The following MTMR1 variants were observed in gnomAD, a reference collection of about 807,000 sequenced individuals.
MTMR1 encodes the protein phosphatidylinositol-3-phosphate phosphatase MTMR1.
In MTMR1, 17 loss-of-function variants were observed where a neutral mutation model predicts 51.6. That is an observed-to-expected ratio of 0.33 (90% confidence interval 0.23 to 0.49). The LOEUF is 0.49. MTMR1 is among the 20% of genes least tolerant of loss of function. The probability of loss-of-function intolerance (pLI) is 0.99; values close to 1 mark genes in which losing one functional copy is unlikely to be tolerated. For synonymous variants in MTMR1, 201 were observed against 205.6 expected, an observed-to-expected ratio of 0.98 and a Z score of 0.19; for missense variants, 386 against 526.9, an observed-to-expected ratio of 0.73 and a Z score of 2.62.
At chrX:150,702,556 A>C (rs1187723383) in intron 2 of MTMR1, among the ~76,000 whole-genome samples, 1 of 112,059 alleles carries the variant, frequency 8.9e-6, no homozygotes, top group Non-Finnish European at 1.9e-5. Flanking sequence ...CAGCTCATCT[A>C]AAGTACAGTA....
At chrX:150,697,998 G>T (rs1173545766) in intron 1 of MTMR1, among the ~76,000 whole-genome samples, 1 of 111,777 alleles carries the variant, frequency 8.9e-6, no homozygotes, top group East Asian at 2.8e-4. Context: ...CACCATGGTT[G>T]TGAGGCTCTG....
intron 15 of MTMR1, among the ~76,000 whole-genome samples, chrX:150,760,640 T>C (rs1481320090): frequency 9.0e-6 from 1 of 111,605 alleles, no homozygotes; most frequent in African/African-American, 3.3e-5. Flanking sequence ...AATATGTGAG[T>C]AGGCCAGGCG....
At chrX:150,704,983 A>G (rs2041044527) in intron 2 of MTMR1, among the ~76,000 whole-genome samples, 1 of 103,452 alleles carries the variant, frequency 9.7e-6, no homozygotes, top group African/African-American at 3.4e-5. Flanking sequence ...AATTGCAGGT[A>G]TGCTTGAAAC....
At chrX:150,710,835 ATAG>A (rs1435511922) in intron 2 of MTMR1, among the ~76,000 whole-genome samples, 9 of 112,367 alleles carry the variant, frequency 8.0e-5, no homozygotes, top group Non-Finnish European at 1.5e-4. Flanking sequence ...GAAGAGGGAG[ATAG>A]TAGTTTGAGA....
At chrX:150,721,657 CTT>C (rs1452941960) in intron 4 of MTMR1, among the ~76,000 whole-genome samples, 3 of 111,304 alleles carry the variant, frequency 2.7e-5, no homozygotes, top group Non-Finnish European at 3.8e-5. Flanking sequence ...CATGTCTTCT[CTT>C]TTTTGTTTTT....
intron 2 of MTMR1, among the ~76,000 whole-genome samples, chrX:150,701,865 G>A (rs1382983688): frequency 9.0e-6 from 1 of 111,072 alleles, no homozygotes; most frequent in African/African-American, 3.3e-5. Flanking sequence ...CTTTAAAAAA[G>A]TCCATTGAGG....
intron 4 of MTMR1, among the ~76,000 whole-genome samples, chrX:150,719,397 C>T (rs180896954): frequency 1.8e-5 from 2 of 111,918 alleles, no homozygotes; most frequent in South Asian, 3.8e-4. Context: ...ATTTGAGTAG[C>T]GGGGCTCTCC....
chrX:150,744,707 C>T (rs1472153771), intron 13 of MTMR1, among the ~76,000 whole-genome samples: 1 of 112,140 alleles, frequency 8.9e-6, no homozygotes, highest in Non-Finnish European at 1.9e-5. Flanking sequence ...AGGCCCTACT[C>T]CTCTATAGAT....
chrX:150,748,984 C>G (rs782803551), intron 13 of MTMR1, among the ~76,000 whole-genome samples: 1 of 112,338 alleles, frequency 8.9e-6, no homozygotes, highest in Non-Finnish European at 1.9e-5. Context: ...GACATCACAT[C>G]ATTGATTTAG....
chrX:150,721,095 C>T (rs1186642854), intron 4 of MTMR1, among the ~76,000 whole-genome samples: 7 of 111,749 alleles, frequency 6.3e-5, no homozygotes, highest in African/African-American at 9.7e-5. Flanking sequence ...TCCTGGGTTA[C>T]GTCAATTAAT....
At position 150,742,796 on chromosome X, in the gene MTMR1, G is replaced by A. The variant is rs552158132; in HGVS notation, c.1474-1565G>A. Among the ~76,000 whole-genome samples, 41 of 82,342 alleles carry A rather than the reference G, an allele frequency of 5.0e-4. 1 individual carries two copies. The South Asian group carries it at 0.027, about 54-fold the overall frequency. The allele number at this position is 82,342 out of a possible 115,157, so 71.5% of individuals were successfully genotyped here. A position where few individuals can be genotyped will look rare whatever the true frequency, so the allele number is the denominator to read the frequency against. On this transcript the variant is annotated intron_variant, in intron 12 of 15. Transcript: ENST00000445323. ...TGCGTCACTGCACTCCAGCCTGGGCGACAGAGTGAGACTCCATCTCAAAAA... is the reference window on the plus strand; with the variant it reads ...TGCGTCACTGCACTCCAGCCTGGGCAACAGAGTGAGACTCCATCTCAAAAA...
At chrX:150,719,636 C>G (rs1318692681) in intron 4 of MTMR1, among the ~76,000 whole-genome samples, 1 of 111,944 alleles carries the variant, frequency 8.9e-6, no homozygotes, top group African/African-American at 3.3e-5. Context: ...TTATGTCATG[C>G]CCCTGCTTCT....
intron 4 of MTMR1, 96 bp downstream of exon 4, chrX:150,718,796 A>G: frequency 1.1e-5 from 9 of 830,688 alleles, no homozygotes; most frequent in Non-Finnish European, 1.5e-5. Context: ...GAGATCCGCC[A>G]GACCAACTTA....
rs1732612073 is a variant in MTMR1, at chrX:150,693,435, T to TATAGAGCGGGCGGC, written c.-94_-81dup. On this transcript the variant is annotated 5_prime_UTR_variant, in exon 1 of 16. Coordinates refer to ENST00000445323, the MANE Select transcript of MTMR1 (RefSeq NM_001306144.3). ...GCGGCCGCCTGAGGCGGGCGGGCGG[T>TATAGAGCGGGCGGC]ATAGAGCGGGCGGCAGGAGGCAAGC... 1 of 746,856 alleles carries TATAGAGCGGGCGGC rather than the reference T, an allele frequency of 1.3e-6. No homozygotes were observed. The highest frequency in any genetic ancestry group is 1.6e-6 in the Non-Finnish European group (1 of 635,321). 61.5% of individuals were successfully genotyped at this position (746,856 alleles called of 1,213,427 possible). A position where few individuals can be genotyped will look rare whatever the true frequency, so the allele number is the denominator to read the frequency against.
chrX:150,757,398 A>G (rs781837865), intron 15 of MTMR1, among the ~76,000 whole-genome samples: 10 of 112,443 alleles, frequency 8.9e-5, no homozygotes, highest in South Asian at 3.6e-4. Context: ...ATGGCTTTCT[A>G]TTTTGTTCCA....
chrX:150,712,167 G>A (rs782082402), intron 2 of MTMR1, among the ~76,000 whole-genome samples, 175 bp from the exon 3 acceptor site: 52 of 111,952 alleles, frequency 4.6e-4, no homozygotes, highest in African/African-American at 1.7e-3. Context: ...AATGTGTTAG[G>A]ATTGATCTGA....
intron 12 of MTMR1, among the ~76,000 whole-genome samples, chrX:150,743,448 A>G (rs1191547042): frequency 8.9e-6 from 1 of 112,359 alleles, no homozygotes; most frequent in South Asian, 3.7e-4. Flanking sequence ...ATTATATGTC[A>G]TGTGTATTTC....
intron 12 of MTMR1, among the ~76,000 whole-genome samples, chrX:150,738,146 C>G (rs781912780): frequency 1.8e-5 from 2 of 112,144 alleles, no homozygotes; most frequent in Non-Finnish European, 3.8e-5. Flanking sequence ...TTCCTCACTT[C>G]CCCCAGCCCC....
intron 7 of MTMR1, 83 bp downstream of exon 7, chrX:150,730,293 G>T (rs1187993804): frequency 1.5e-5 from 9 of 583,464 alleles, no homozygotes; most frequent in South Asian, 4.8e-5. Context: ...TTTTCCAGAG[G>T]TTTTTTTTTT....
Sources: gnomAD v4.1 joint callset for allele counts (sites outside exome capture counted in the v4.1 genomes callset) on GRCh38, gnomAD v4.1.1 for gene constraint, MANE v1.5 for transcripts, NCBI Gene and HGNC (gene_info 2026-07-23, HGNC 2026-07-21) for gene names.